SHPRH: variants seen among roughly 807,000 people sequenced by gnomAD.
SHPRH encodes SNF2 histone linker PHD RING helicase, also known as E3 ubiquitin-protein ligase SHPRH.
Under a neutral mutation model 202.5 loss-of-function variants are expected in SHPRH, and 106 were observed. That is an observed-to-expected ratio of 0.52 (90% CI 0.45 to 0.62). The LOEUF is 0.62. SHPRH is among the 20% of genes least tolerant of loss of function. The pLI is 0.00. For synonymous variants in SHPRH, 729 were observed against 686.0 expected (o/e 1.06, Z -0.98); for missense variants, 1,710 against 2,020.0 (o/e 0.85, Z 2.94).
Position 145,931,445 on chromosome 6 carries a change from G to A in SHPRH, c.3112+1612C>T, listed in dbSNP as rs1223273622. On this transcript the variant is annotated intron_variant, in intron 14 of 29. Transcript: ENST00000275233. ...TCAGCTCACTGCAACCTCCGCCTCC[G>A]GGGTTCAAGTGATTCTCCTGTCTCA... Among the ~76,000 whole-genome samples the A allele has an allele frequency of 4.0e-5, 6 of 151,742 alleles. No homozygotes were observed. In the East Asian group the frequency reaches 5.8e-4, roughly 15 times the overall value.
intron 25 of SHPRH, among the ~76,000 whole-genome samples, chr6:145,899,505 T>C (rs1319894147): frequency 6.6e-6 from 1 of 152,092 alleles, no homozygotes; most frequent in African/African-American, 2.4e-5. Flanking sequence ...AGAATAAAAC[T>C]GGACCCTTAT....
intron 21 of SHPRH, among the ~76,000 whole-genome samples, chr6:145,919,710 T>C (rs1449940277): frequency 6.6e-6 from 1 of 152,174 alleles, no homozygotes. Context: ...TAACAGAATA[T>C]AAAGATTTCT....
At chr6:145,948,233 AT>A in intron 5 of SHPRH, 38 bp downstream of exon 5, 2 of 1,432,016 alleles carry the variant, frequency 1.4e-6, no homozygotes, top group African/African-American at 1.4e-5. Flanking sequence ...CATTATATTT[AT>A]TTTTTAAATC....
intron 2 of SHPRH, among the ~76,000 whole-genome samples, chr6:145,952,826 C>T (rs1395079551): frequency 3.3e-5 from 5 of 151,980 alleles, no homozygotes; most frequent in Non-Finnish European, 5.9e-5. Flanking sequence ...ATGCCGATTT[C>T]CCCAGAAGAT....
rs747547641 is a variant in SHPRH at position 145,886,649 on chromosome 6, T to C, written c.*42A>G. On this transcript the variant is annotated 3_prime_UTR_variant, in exon 30 of 30. Transcript: ENST00000275233. ...TAACTTTGCTCTACAGCTATGAAAG[T>C]TTATTAATACACTAAAGTCCATGGA... The C allele has an allele frequency of 6.2e-7, 1 of 1,602,700 alleles. No homozygotes were observed. The highest frequency in any genetic ancestry group is 8.5e-7 in the Non-Finnish European group (1 of 1,175,896).
At chr6:145,880,685 C>T (rs2128699526), downstream of SHPRH, among the ~76,000 whole-genome samples, 1 of 150,574 alleles carries the variant, frequency 6.6e-6, no homozygotes, top group East Asian at 1.9e-4. Flanking sequence ...GAAGGGTACA[C>T]ATGCAAAGCA....
intron 11 of SHPRH, among the ~76,000 whole-genome samples, chr6:145,938,467 A>G (rs889183169): frequency 6.6e-6 from 1 of 152,222 alleles, no homozygotes. Flanking sequence ...AAAGAAATAA[A>G]TCAAATACAT....
At chr6:145,959,116 T>A (rs1433826830) in intron 1 of SHPRH, among the ~76,000 whole-genome samples, 1 of 152,168 alleles carries the variant, frequency 6.6e-6, no homozygotes, top group Non-Finnish European at 1.5e-5. Context: ...ACTACAGGCG[T>A]GAGCCACCGC....
chr6:145,913,822 G>C (rs1422421328), intron 23 of SHPRH, among the ~76,000 whole-genome samples: 1 of 152,070 alleles, frequency 6.6e-6, no homozygotes, highest in Non-Finnish European at 1.5e-5. Context: ...AATCTGAAAT[G>C]CTCCAAAATC....
intron 7 of SHPRH, 113 bp downstream of exon 7, chr6:145,946,120 T>C (rs1054166253): frequency 2.8e-6 from 2 of 703,618 alleles, no homozygotes; most frequent in Non-Finnish European, 2.2e-6. Flanking sequence ...CAAAAGCATA[T>C]ATAACTGTAA....
intron 22 of SHPRH, 47 bp from the exon 23 acceptor site, chr6:145,918,279 G>T: frequency 1.6e-6 from 2 of 1,218,462 alleles, no homozygotes; most frequent in Non-Finnish European, 2.2e-6. Flanking sequence ...CAGAAAGACA[G>T]TTAAATTATA....
At chr6:145,867,515 C>T (rs979011958) in intron 2 of SHPRH, among the ~76,000 whole-genome samples, 4 of 149,244 alleles carry the variant, frequency 2.7e-5, no homozygotes, top group African/African-American at 7.4e-5. Flanking sequence ...CACTTGAGTC[C>T]GGGAGGCTGA....
intron 9 of SHPRH, 107 bp downstream of exon 9, chr6:145,943,032 ATCAT>A: frequency 7.9e-7 from 1 of 1,259,564 alleles, no homozygotes; most frequent in Non-Finnish European, 1.1e-6. Flanking sequence ...TTACTATTAA[ATCAT>A]TCAGTTAGTT....
At position 145,921,314 on chromosome 6, in the gene SHPRH, G is replaced by A; in HGVS notation, c.3861C>T (p.Thr1287=). 6.2e-7 allele frequency: 1 copy of A among 1,612,964 alleles called. No individual in the cohort carries two copies. Among genetic ancestry groups the A allele is most frequent in the East Asian group, 2.2e-5 (1 of 44,804 alleles). The change falls in exon 21 of 30, where the codon ACC becomes ACT. Residue 1287 remains threonine, a synonymous_variant. Coordinates refer to ENST00000275233, the MANE Select transcript of SHPRH (RefSeq NM_001042683.3). ...CACTTATTGCCCAGAGACCCCGGGT[G>A]GTGGTAGGTGCTCGATCATCCACCA... The part of the protein sequence containing the change: ...EGLVDDRAPT[T]TRGLWAISET...
chr6:145,945,742 A>G lies in SHPRH; in HGVS notation c.1322-105T>C. On this transcript the variant is annotated intron_variant, in intron 7 of 29. Coordinates refer to ENST00000275233, the MANE Select transcript of SHPRH (RefSeq NM_001042683.3). ...ATGAGGACTGAGTTAAGAAAGAAAT[A>G]AATCAAAGATTTATTACAGCAGAGT... The G allele has an allele frequency of 4.0e-6, 5 of 1,250,134 alleles. No homozygotes were observed. In the South Asian group the frequency reaches 7.5e-5, roughly 19 times the overall value. 77.4% of individuals were successfully genotyped at this position (1,250,134 alleles called of 1,614,324 possible). A position where few individuals can be genotyped will look rare whatever the true frequency, so the allele number is the denominator to read the frequency against.
At chr6:145,955,379 A>C (rs1442933417) in intron 1 of SHPRH, 25 bp from the exon 2 acceptor site, 1 of 1,524,110 alleles carries the variant, frequency 6.6e-7, no homozygotes, top group Non-Finnish European at 8.7e-7. Flanking sequence ...AAACAACAGG[A>C]GGTATAACAA....
chr6:145,923,770 G>T lies in SHPRH; in HGVS notation c.3418C>A (p.Pro1140Thr), dbSNP rs752137101. ...CTGTGGATCACATTTAGCCACCAAG[G>T]AGAATTAGAATGAATCTGTAAAAAA... ...ELQRKIHSNS[P>T]WWLNVIHRAI... Residue 1140 changes from proline (P) to threonine (T), a missense_variant, in exon 18 of 30, where the codon CCT (proline) becomes ACT (threonine). By Grantham distance (38) the Pro-to-Thr change is conservative (BLOSUM62 -1). This residue lies in a region of SHPRH where 288 missense variants were observed against 317.8 expected (regional missense o/e 0.91). Transcript: ENST00000275233. The T allele has an allele frequency of 1.2e-6, 2 of 1,608,668 alleles. No homozygotes were observed. Among genetic ancestry groups the T allele is most frequent in the Admixed American group, 3.4e-5 (2 of 59,522 alleles).
At chr6:145,888,937 A>T (rs1480201863) in intron 28 of SHPRH, among the ~76,000 whole-genome samples, 1 of 152,174 alleles carries the variant, frequency 6.6e-6, no homozygotes, top group African/African-American at 2.4e-5. Context: ...GAGATTTCTG[A>T]TCTGGGCAGG....
chr6:145,921,252 G>A lies in SHPRH; in HGVS notation c.3923C>T (p.Ala1308Val), dbSNP rs372921201. Residue 1308 changes from alanine to valine, a missense_variant, in exon 21 of 30, where the codon GCA (alanine) becomes GTA (valine). Around this residue, in one of 8 missense-constraint regions of SHPRH, gnomAD observed 306 missense variants for 479.5 expected, o/e 0.64. Transcript: ENST00000275233. ...ERSMKAILSFAKSHRFDVEFV... is the reference protein window; with the variant it reads ...ERSMKAILSFVKSHRFDVEFV... ...TTCAACATCAAACCTATGTGATTTT[G>A]CAAATGATAGTATTGCTTTCATAGA... is the stretch of plus-strand genomic sequence containing the variant. 2.5e-6 allele frequency: 4 copies of A among 1,612,678 alleles called. No homozygotes were observed. In the African/African-American group the frequency reaches 5.3e-5, roughly 22 times the overall value.
Sources: gnomAD v4.1 joint callset for allele counts (sites outside exome capture counted in the v4.1 genomes callset) on GRCh38, gnomAD v4.1.1 for gene constraint, gnomAD v4.1.1 regional missense constraint, MANE v1.5 for transcripts, NCBI Gene and HGNC (gene_info 2026-07-23, HGNC 2026-07-21) for gene names.